The following INO80 variants were observed in gnomAD, a reference collection of about 807,000 sequenced individuals.
INO80 encodes the protein INO80 complex ATPase subunit.
Under a neutral mutation model 203.4 loss-of-function variants are expected in INO80, and 20 were observed. That is an observed-to-expected ratio of 0.10 (90% CI 0.07 to 0.14). The LOEUF is 0.14. Ranked by LOEUF, INO80 falls within the 10% of genes least tolerant of loss-of-function variation. INO80 has a pLI of 1.00. For synonymous variants in INO80, 726 were observed against 685.2 expected (o/e 1.06, Z -0.93); for missense variants, 1,419 against 1,914.4 (o/e 0.74, Z 4.83).
At chr15:41,063,755 T>C (rs868360484) in intron 14 of INO80, among the ~76,000 whole-genome samples, 5 of 151,868 alleles carry the variant, frequency 3.3e-5, no homozygotes, top group Non-Finnish European at 5.9e-5. Context: ...TGGCGACAGA[T>C]AGACTCCGTC....
chr15:41,082,074 G>A (rs1364573227), intron 7 of INO80, among the ~76,000 whole-genome samples: 2 of 150,522 alleles, frequency 1.3e-5, no homozygotes, highest in East Asian at 4.0e-4. Flanking sequence ...ATGTGGTGAA[G>A]CCCCATTTCT....
At chr15:41,025,957 T>G (rs983546111) in intron 25 of INO80, among the ~76,000 whole-genome samples, 9 of 152,210 alleles carry the variant, frequency 5.9e-5, no homozygotes, top group Admixed American at 3.3e-4. Flanking sequence ...TGCACTAACT[T>G]AAGCTTCTGA....
chr15:41,090,867 T>G (rs1254440321), intron 5 of INO80, among the ~76,000 whole-genome samples: 2 of 151,844 alleles, frequency 1.3e-5, no homozygotes, highest in African/African-American at 2.4e-5. Context: ...TCTTTTAGTC[T>G]AGTACATCCG....
At chr15:41,071,765 C>T (rs1036324157) in intron 12 of INO80, 84 bp downstream of exon 12, 69 of 1,288,732 alleles carry the variant, frequency 5.4e-5, no homozygotes, top group South Asian at 7.7e-5. Flanking sequence ...TCAGCCAGAT[C>T]TTGTACTCAT....
At chr15:40,994,951 G>T (rs577484750) in intron 29 of INO80, among the ~76,000 whole-genome samples, 2 of 152,188 alleles carry the variant, frequency 1.3e-5, no homozygotes, top group Admixed American at 1.3e-4. Context: ...CGCCTCCTGG[G>T]TTCAAGTGAT....
chr15:40,984,741 A>G (rs903260314), intron 32 of INO80, among the ~76,000 whole-genome samples: 1 of 152,204 alleles, frequency 6.6e-6, no homozygotes, highest in African/African-American at 2.4e-5. Flanking sequence ...TGGGCCGAAG[A>G]GCCTCACCAG....
At chr15:41,068,864 C>G (rs1282344564) in intron 14 of INO80, among the ~76,000 whole-genome samples, 1 of 150,920 alleles carries the variant, frequency 6.6e-6, no homozygotes, top group Non-Finnish European at 1.5e-5. Flanking sequence ...CATCTCAAAA[C>G]AAAAACAAAA....
At chr15:40,986,681 A>C (rs1330556682) in intron 31 of INO80, among the ~76,000 whole-genome samples, 2 of 152,052 alleles carry the variant, frequency 1.3e-5, no homozygotes, top group Non-Finnish European at 2.9e-5. Context: ...GCTGGAGTGC[A>C]ATGGCATGAT....
intron 31 of INO80, among the ~76,000 whole-genome samples, chr15:40,986,843 TCTCAAA>T (rs1442060438): frequency 6.6e-6 from 1 of 152,074 alleles, no homozygotes; most frequent in Admixed American, 6.5e-5. Flanking sequence ...GCCAGGCTGG[TCTCAAA>T]CTCAAACTCC....
intron 5 of INO80, 37 bp from the exon 6 acceptor site, chr15:41,087,719 A>C: frequency 1.3e-6 from 2 of 1,579,676 alleles, no homozygotes. Flanking sequence ...CCTGTTTTCT[A>C]TAGTACAGCT....
At chr15:41,021,426 A>G (rs1057280243) in intron 25 of INO80, among the ~76,000 whole-genome samples, 4 of 152,194 alleles carry the variant, frequency 2.6e-5, no homozygotes, top group Admixed American at 2.0e-4. Context: ...TATATATCTG[A>G]TCATTTTGCC....
chr15:41,080,084 G>A (rs1440894238), intron 8 of INO80, among the ~76,000 whole-genome samples, 180 bp from the exon 9 acceptor site: 1 of 151,890 alleles, frequency 6.6e-6, no homozygotes, highest in Non-Finnish European at 1.5e-5. Context: ...CAGACCCTGT[G>A]GTATTATCAG....
chr15:41,069,323 T>C (rs774356302), intron 14 of INO80, among the ~76,000 whole-genome samples: 1 of 149,618 alleles, frequency 6.7e-6, no homozygotes, highest in Non-Finnish European at 1.5e-5. Context: ...CATGGCACCA[T>C]GCCCGGCTAA....
intron 24 of INO80, among the ~76,000 whole-genome samples, chr15:41,044,625 T>A (rs1434941325): frequency 2.0e-5 from 3 of 152,162 alleles, no homozygotes; most frequent in African/African-American, 7.2e-5. Flanking sequence ...TAGGTGGTTG[T>A]TACACAAGTG....
At chr15:41,027,479 A>G in intron 25 of INO80, 117 bp downstream of exon 25, 1 of 855,992 alleles carries the variant, frequency 1.2e-6, no homozygotes, top group East Asian at 2.8e-5. Context: ...TAGAATTTAT[A>G]TGTTTCTTAA....
At chr15:41,108,669 C>CTAG (rs1206743912) in intron 1 of INO80, among the ~76,000 whole-genome samples, 1 of 151,566 alleles carries the variant, frequency 6.6e-6, no homozygotes, top group Non-Finnish European at 1.5e-5. Context: ...CTGGGTCTCA[C>CTAG]TAGTTCCACT....
chr15:40,982,694 G>A (rs1314551838), intron 35 of INO80, among the ~76,000 whole-genome samples, 168 bp downstream of exon 35: 1 of 152,176 alleles, frequency 6.6e-6, no homozygotes, highest in African/African-American at 2.4e-5. Context: ...CCGTCAGGAG[G>A]GCAAGGGGTG....
At chr15:40,995,138 G>T (rs576545722) in intron 29 of INO80, among the ~76,000 whole-genome samples, 1 of 152,334 alleles carries the variant, frequency 6.6e-6, no homozygotes, top group African/African-American at 2.4e-5. Flanking sequence ...TTACAAGCGT[G>T]AGCCACCGCG....
At chr15:41,059,697 G>A (rs1292578584) in intron 15 of INO80, among the ~76,000 whole-genome samples, 170 bp downstream of exon 15, 1 of 151,916 alleles carries the variant, frequency 6.6e-6, no homozygotes, top group African/African-American at 2.4e-5. Flanking sequence ...AAGTCCAGCT[G>A]ATTGCCTACA....
Sources: allele counts gnomAD v4.1 joint callset (sites outside exome capture counted in the v4.1 genomes callset), GRCh38; gene constraint gnomAD v4.1.1; transcripts MANE v1.5; gene names NCBI Gene and HGNC (gene_info 2026-07-23, HGNC 2026-07-21).